The following SAMD12 variants were observed in gnomAD, a reference collection of about 807,000 sequenced individuals.
SAMD12 encodes the protein sterile alpha motif domain-containing protein 12.
SAMD12 carries 9 observed loss-of-function variants against 15.0 expected under a neutral mutation model. The ratio of observed to expected loss-of-function variants is 0.60; its 90% CI spans 0.36 to 1.05. SAMD12 has a LOEUF of 1.05. SAMD12 is among the 50% of genes least tolerant of loss of function. The pLI, the probability that SAMD12 is intolerant of heterozygous loss-of-function variation, is 0.01. For missense variants in SAMD12, 230 were observed against 234.2 expected, an observed-to-expected ratio of 0.98 and a Z score of 0.12; for synonymous variants, 86 against 90.1, an observed-to-expected ratio of 0.96 and a Z score of 0.25.
chr8:118,306,619 GCCA>G (rs1815363371), intron 4 of SAMD12, among the ~76,000 whole-genome samples: 1 of 152,118 alleles, frequency 6.6e-6, no homozygotes, highest in Non-Finnish European at 1.5e-5. Flanking sequence ...GTGGAGTAAA[GCCA>G]CCACCCCAGC....
At chr8:118,320,614 C>A (rs1816184466) in intron 4 of SAMD12, among the ~76,000 whole-genome samples, 1 of 119,830 alleles carries the variant, frequency 8.3e-6, no homozygotes, top group Non-Finnish European at 1.6e-5. Context: ...TAGAATTGAA[C>A]AATGAAAACA....
chr8:118,345,085 G>T (rs967241621), intron 4 of SAMD12, among the ~76,000 whole-genome samples: 1 of 151,974 alleles, frequency 6.6e-6, no homozygotes, highest in South Asian at 2.1e-4. Flanking sequence ...TTTCATTCAC[G>T]GTAAATGCCC....
At chr8:118,575,615 C>T (rs1021157524) in intron 2 of SAMD12, among the ~76,000 whole-genome samples, 2 of 152,136 alleles carry the variant, frequency 1.3e-5, no homozygotes, top group African/African-American at 2.4e-5. Flanking sequence ...AATGGGGATA[C>T]ATTTTTATAA....
chr8:118,581,910 C>T (rs865928981), intron 1 of SAMD12, among the ~76,000 whole-genome samples: 11 of 152,078 alleles, frequency 7.2e-5, no homozygotes, highest in Admixed American at 2.0e-4. Context: ...ACTTAATACC[C>T]CCATCTTCCC....
chr8:118,144,124 C>T, the SAMD12 span, among the ~76,000 whole-genome samples: 6 of 152,164 alleles, frequency 3.9e-5, no homozygotes, highest in South Asian at 4.2e-4. Context: ...CCTCCCCTTC[C>T]GTGTGTTTTC....
At chr8:118,133,020 A>ATATATATG in the SAMD12 span, among the ~76,000 whole-genome samples, 2 of 97,292 alleles carry the variant, frequency 2.1e-5, no homozygotes, top group African/African-American at 7.9e-5. Flanking sequence ...ATATATATAT[A>ATATATATG]TATATATCTT....
At chr8:118,494,848 A>C (rs897315146) in intron 2 of SAMD12, among the ~76,000 whole-genome samples, 2 of 152,212 alleles carry the variant, frequency 1.3e-5, no homozygotes, top group Non-Finnish European at 2.9e-5. Context: ...CACAAAGCAT[A>C]GTATAATAAA....
intron 4 of SAMD12, among the ~76,000 whole-genome samples, chr8:118,329,837 A>G (rs1184495525): frequency 2.0e-5 from 3 of 152,154 alleles, no homozygotes; most frequent in Non-Finnish European, 4.4e-5. Flanking sequence ...TTGCAGATGA[A>G]TGATGGGTTT....
At chr8:118,477,310 C>T (rs1213143612) in intron 2 of SAMD12, among the ~76,000 whole-genome samples, 1 of 152,098 alleles carries the variant, frequency 6.6e-6, no homozygotes, top group African/African-American at 2.4e-5. Flanking sequence ...AAGTGATCCG[C>T]CCACTTCACC....
chr8:118,353,250 T>A (rs997728428), intron 4 of SAMD12, among the ~76,000 whole-genome samples: 1 of 149,786 alleles, frequency 6.7e-6, no homozygotes, highest in Non-Finnish European at 1.5e-5. Flanking sequence ...GGTTTTGTCA[T>A]AATCTAACCA....
chr8:118,358,231 C>T (rs552593480), intron 4 of SAMD12, among the ~76,000 whole-genome samples: 1 of 152,298 alleles, frequency 6.6e-6, no homozygotes, highest in East Asian at 1.9e-4. Flanking sequence ...TTCTCCTATA[C>T]TTCATCCGGC....
At chr8:118,516,500 C>A (rs916541718) in intron 2 of SAMD12, among the ~76,000 whole-genome samples, 1 of 152,154 alleles carries the variant, frequency 6.6e-6, no homozygotes, top group Non-Finnish European at 1.5e-5. Flanking sequence ...GCAGACTAGT[C>A]CTTAAAAGGG....
intron 3 of SAMD12, among the ~76,000 whole-genome samples, chr8:118,401,150 A>G (rs772387969): frequency 3.9e-5 from 6 of 152,210 alleles, no homozygotes; most frequent in Admixed American, 6.5e-5. Context: ...AATCATCCCA[A>G]TACAAAGCAT....
intron 4 of SAMD12, among the ~76,000 whole-genome samples, chr8:118,322,183 T>C (rs1466423846): frequency 2.0e-5 from 3 of 152,202 alleles, no homozygotes; most frequent in Non-Finnish European, 2.9e-5. Context: ...TCCTCAGAAA[T>C]GCCTTCTCAG....
intron 4 of SAMD12, among the ~76,000 whole-genome samples, chr8:118,222,932 T>A (rs1026051565): frequency 2.0e-5 from 3 of 152,148 alleles, no homozygotes; most frequent in African/African-American, 7.2e-5. Context: ...ACAGGTTTAA[T>A]GCACAGGGGC....
At chr8:118,301,458 A>T (rs2130330806) in intron 4 of SAMD12, among the ~76,000 whole-genome samples, 1 of 152,348 alleles carries the variant, frequency 6.6e-6, no homozygotes, top group African/African-American at 2.4e-5. Context: ...AGCCATCATA[A>T]GCCCATAAAT....
chr8:118,522,175 CACATA>C, intron 2 of SAMD12, among the ~76,000 whole-genome samples: 1 of 18,686 alleles, frequency 5.4e-5, no homozygotes, highest in African/African-American at 7.2e-4. Flanking sequence ...CACACACACA[CACATA>C]CACACACACA....
chr8:118,200,402 C>T (rs1195119845), intron 4 of SAMD12, among the ~76,000 whole-genome samples: 5 of 17,446 alleles, frequency 2.9e-4, no homozygotes, highest in African/African-American at 8.8e-4. Flanking sequence ...TATTAGAGTA[C>T]CAAAAAAAAA....
At chr8:118,459,815 A>G (rs1300432891) in intron 2 of SAMD12, among the ~76,000 whole-genome samples, 4 of 152,216 alleles carry the variant, frequency 2.6e-5, no homozygotes. Flanking sequence ...TCTCCACTAC[A>G]TGCAAGGCAC....
Sources: allele counts gnomAD v4.1 joint callset (sites outside exome capture counted in the v4.1 genomes callset), GRCh38; gene constraint gnomAD v4.1.1; transcripts MANE v1.5; gene names NCBI Gene and HGNC (gene_info 2026-07-23, HGNC 2026-07-21).